RCOR3: variants seen among roughly 807,000 people sequenced by gnomAD.
RCOR3 encodes the protein REST corepressor 3.
Under a neutral mutation model 64.1 loss-of-function variants are expected in RCOR3, and 13 were observed. That is an observed-to-expected ratio of 0.20 (90% confidence interval 0.13 to 0.32). The LOEUF (loss-of-function observed/expected upper bound fraction) is 0.32, where lower values mean the gene tolerates loss of function less well. RCOR3 is among the 10% of genes least tolerant of loss of function. RCOR3 has a pLI of 1.00. For synonymous variants in RCOR3, 215 were observed against 239.0 expected, an observed-to-expected ratio of 0.90 and a Z score of 0.93; for missense variants, 489 against 701.2, an observed-to-expected ratio of 0.70 and a Z score of 3.42.
At chr1:211,260,997 C>G (rs1440045778) in intron 2 of RCOR3, 3 of 152,260 alleles carry the variant, frequency 2.0e-5, no homozygotes, top group Non-Finnish European at 4.4e-5. Flanking sequence ...TGGAGGCGCC[C>G]TTGCTGGAGC....
At chr1:211,285,380 GT>G (rs771970825) in intron 7 of RCOR3, among the ~76,000 whole-genome samples, 1 of 152,192 alleles carries the variant, frequency 6.6e-6, no homozygotes, top group Non-Finnish European at 1.5e-5. Context: ...CAATTTGGTG[GT>G]CTCTGAGTAA....
At chr1:211,309,449 TA>T (rs1395183499) in intron 10 of RCOR3, among the ~76,000 whole-genome samples, 1 of 152,238 alleles carries the variant, frequency 6.6e-6, no homozygotes, top group Non-Finnish European at 1.5e-5. Context: ...CTTTACATAT[TA>T]AAGATTATAA....
At chr1:211,308,421 G>C (rs553924647) in intron 10 of RCOR3, among the ~76,000 whole-genome samples, 2 of 152,012 alleles carry the variant, frequency 1.3e-5, no homozygotes, top group African/African-American at 2.4e-5. Flanking sequence ...AGAAATACAC[G>C]CTCCCAAATG....
intron 3 of RCOR3, 55 bp from the exon 4 acceptor site, chr1:211,274,155 C>T: frequency 8.2e-7 from 1 of 1,214,392 alleles, no homozygotes; most frequent in South Asian, 1.4e-5. Flanking sequence ...AAAAGTAGAC[C>T]TAGGTAAATG....
intron 10 of RCOR3, among the ~76,000 whole-genome samples, chr1:211,308,698 T>TG (rs1336986082): frequency 2.3e-3 from 94 of 40,844 alleles, no homozygotes; most frequent in African/African-American, 4.7e-3. Flanking sequence ...TTTTTTTTTT[T>TG]TGTGTAGTCC....
intron 9 of RCOR3, chr1:211,303,791 G>A (rs868807808): frequency 1.5e-5 from 3 of 194,980 alleles, no homozygotes; most frequent in Non-Finnish European, 3.1e-5. Flanking sequence ...GTGAAACCCC[G>A]TTGGGAAATG....
At chr1:211,293,238 GTTAAA>G (rs1699461712) in intron 8 of RCOR3, among the ~76,000 whole-genome samples, 2 of 151,866 alleles carry the variant, frequency 1.3e-5, no homozygotes, top group Non-Finnish European at 1.5e-5. Context: ...CACCTGGATT[GTTAAA>G]TTAATTTCCA....
In RCOR3 at chr1:211,314,028, A is replaced by G; in HGVS notation, c.*260A>G. ...ATGTTGATCTCATAAAAGGAAAAAC[A>G]AAAGATTTAAGTATTCTATATACCA... is the stretch of plus-strand genomic sequence containing the variant. On this transcript the variant is annotated 3_prime_UTR_variant, in exon 12 of 12. Transcript: ENST00000419091. The G allele has an allele frequency of 2.3e-6, 1 of 425,954 alleles. No individual in the cohort carries two copies. Among genetic ancestry groups the G allele is most frequent in the South Asian group, 3.8e-5 (1 of 26,422 alleles). 26.4% of individuals were successfully genotyped at this position (425,954 alleles called of 1,614,324 possible).
At chr1:211,270,761 T>C (rs1696045565) in intron 2 of RCOR3, among the ~76,000 whole-genome samples, 1 of 152,204 alleles carries the variant, frequency 6.6e-6, no homozygotes, top group Non-Finnish European at 1.5e-5. Flanking sequence ...ATATTTACTA[T>C]ATGTAATGTA....
intron 1 of RCOR3, 184 bp from the exon 2 acceptor site, chr1:211,259,924 G>GCCCCCCCCCCCCCC: frequency 4.3e-6 from 2 of 459,848 alleles, no homozygotes; most frequent in Non-Finnish European, 3.2e-6. Flanking sequence ...CTCCGCCTTT[G>GCCCCCCCCCCCCCC]CCCCCCCCCG....
intron 10 of RCOR3, among the ~76,000 whole-genome samples, chr1:211,306,993 T>C (rs531284078): frequency 1.3e-5 from 2 of 152,344 alleles, no homozygotes; most frequent in African/African-American, 4.8e-5. Context: ...TATCATGTGT[T>C]CCAACCCTAA....
At chr1:211,284,697 CTT>C (rs1353514963) in intron 7 of RCOR3, among the ~76,000 whole-genome samples, 1 of 151,960 alleles carries the variant, frequency 6.6e-6, no homozygotes, top group Admixed American at 6.6e-5. Context: ...TTTTAAAAAA[CTT>C]TTTGTAGAGA....
rs1013887334 is a variant in RCOR3, at chr1:211,296,745, G to T, written c.1017+992G>T. 7.2e-5 allele frequency among the ~76,000 whole-genome samples: 11 copies of T among 152,010 alleles called. No individual in the cohort carries two copies. The East Asian group carries it at 2.1e-3, about 29-fold the overall frequency. ...TACAAAGACTGATATCTCATTCCTT[G>T]ACCACAGGTAGACTGACAAACATTC... On this transcript the variant is annotated intron_variant, in intron 9 of 11. Coordinates refer to ENST00000419091, the MANE Select transcript of RCOR3 (RefSeq NM_001136223.3).
intron 7 of RCOR3, among the ~76,000 whole-genome samples, chr1:211,286,075 T>C (rs545851737): frequency 1.3e-5 from 2 of 152,190 alleles, no homozygotes; most frequent in Admixed American, 6.5e-5. Context: ...ATGTGTCTTA[T>C]AAGGAGCATA....
In RCOR3 at chr1:211,260,448, GAGACGGCCCTTGGCGGA is replaced by G. The variant is rs1309604408; in HGVS notation, c.223+285_223+301del. Among the ~76,000 whole-genome samples, 19 of 152,378 alleles carry G rather than the reference GAGACGGCCCTTGGCGGA, an allele frequency of 1.2e-4. 1 individual carries two copies. The East Asian group carries it at 3.7e-3, about 29-fold the overall frequency. On this transcript the variant is annotated intron_variant, in intron 2 of 11. Transcript: ENST00000419091. ...GGGGCAGGGTCGGGGTGAGCAGAGG[GAGACGGCCCTTGGCGGA>G]GTCCAGGGTCCGAGGCCGCGGGCTG... is the stretch of plus-strand genomic sequence containing the variant.
chr1:211,308,598 A>G (rs929177994), intron 10 of RCOR3, among the ~76,000 whole-genome samples: 2 of 151,180 alleles, frequency 1.3e-5, no homozygotes, highest in Middle Eastern at 3.2e-3. Context: ...TGAAAGCCAG[A>G]AAAAAAATCC....
intron 9 of RCOR3, chr1:211,303,451 A>C (rs1700579745): frequency 6.6e-6 from 1 of 152,170 alleles, no homozygotes. Context: ...CCTTCTGCAA[A>C]CCCCTGCATG....
intron 9 of RCOR3, among the ~76,000 whole-genome samples, chr1:211,296,387 T>G (rs1699865589): frequency 6.6e-6 from 1 of 152,164 alleles, no homozygotes; most frequent in Admixed American, 6.5e-5. Flanking sequence ...GCTTCTATTA[T>G]ATCTTTTTTC....
intron 9 of RCOR3, 62 bp from the exon 10 acceptor site, chr1:211,304,021 A>C: frequency 4.4e-6 from 5 of 1,125,280 alleles, no homozygotes; most frequent in Middle Eastern, 3.0e-4. Flanking sequence ...TTAAAAAAAT[A>C]AGCGCTTTGG....
Sources: allele counts gnomAD v4.1 joint callset (sites outside exome capture counted in the v4.1 genomes callset), GRCh38; gene constraint gnomAD v4.1.1; transcripts MANE v1.5; gene names NCBI Gene and HGNC (gene_info 2026-07-23, HGNC 2026-07-21).